The following GREM2 variants were observed in gnomAD, a reference collection of about 807,000 sequenced individuals.
GREM2 encodes the protein gremlin-2.
GREM2 carries 11 observed loss-of-function variants against 14.2 expected under a neutral mutation model. The ratio of observed to expected loss-of-function variants is 0.78; its 90% CI spans 0.49 to 1.28. The LOEUF (loss-of-function observed/expected upper bound fraction) is 1.28. Ranked by LOEUF, GREM2 falls within the 50% of genes most tolerant of loss-of-function variation. The pLI, the probability that GREM2 is intolerant of heterozygous loss-of-function variation, is 0.00. For missense variants in GREM2, 210 were observed against 218.5 expected (o/e 0.96, Z 0.24); for synonymous variants, 98 against 97.6 (o/e 1.00, Z -0.02).
rs145594880 is a variant in GREM2, at chr1:240,597,202, C to T, written c.-2+14682G>A. ...AAAGCCAGGAATGAGACCGCTGTCT[C>T]GGGTGTGCAACAGAGCTCAGGAGCC... On this transcript the variant is annotated intron_variant, in intron 1 of 1. Coordinates refer to ENST00000318160, the MANE Select transcript of GREM2 (RefSeq NM_022469.4). 5.2e-3 allele frequency among the ~76,000 whole-genome samples: 788 copies of T among 152,292 alleles called. 4 individuals carry two copies. Among genetic ancestry groups the T allele is most frequent in the African/African-American group, 0.018 (754 of 41,576 alleles).
intron 1 of GREM2, among the ~76,000 whole-genome samples, chr1:240,563,841 C>T (rs1679120246): frequency 6.6e-6 from 1 of 152,166 alleles, no homozygotes; most frequent in African/African-American, 2.4e-5. Context: ...TACCCAATGG[C>T]CTTTGAACTT....
intron 1 of GREM2, among the ~76,000 whole-genome samples, chr1:240,564,881 C>T (rs1679145763): frequency 6.6e-6 from 1 of 152,146 alleles, no homozygotes; most frequent in Non-Finnish European, 1.5e-5. Context: ...GCTACGTTTT[C>T]TTTGGGTTGA....
intron 1 of GREM2, among the ~76,000 whole-genome samples, chr1:240,585,316 G>A (rs7524901): frequency 0.02 from 3,084 of 152,208 alleles, 64 homozygotes; most frequent in African/African-American, 0.049. Flanking sequence ...ACCTGTGACT[G>A]TTATGGTCAT....
Position 240,492,591 on chromosome 1 carries a change from C to T in GREM2, c.*378G>A. 6.2e-6 allele frequency: 1 copy of T among 161,976 alleles called. No individual in the cohort carries two copies. Among genetic ancestry groups the T allele is most frequent in the Non-Finnish European group, 1.3e-5 (1 of 74,544 alleles). 10.0% of individuals were successfully genotyped at this position (161,976 alleles called of 1,614,324 possible). A position where few individuals can be genotyped will look rare whatever the true frequency, so the allele number is the denominator to read the frequency against. On this transcript the variant is annotated 3_prime_UTR_variant, in exon 2 of 2. Coordinates refer to ENST00000318160, the MANE Select transcript of GREM2 (RefSeq NM_022469.4). Reference sequence around the variant, plus strand: ...CGCGGGAAAGGGGCGAGCTGGAGTGCAGGGCGGGGCCAGGGAAATCCTTGC... The same window carrying T: ...CGCGGGAAAGGGGCGAGCTGGAGTGTAGGGCGGGGCCAGGGAAATCCTTGC...
At chr1:240,591,960 G>A (rs1679723970) in intron 1 of GREM2, among the ~76,000 whole-genome samples, 1 of 152,098 alleles carries the variant, frequency 6.6e-6, no homozygotes, top group Admixed American at 6.6e-5. Context: ...TCAGACCACG[G>A]TTCTACAATT....
At chr1:240,517,409 C>T (rs1677977718) in intron 1 of GREM2, among the ~76,000 whole-genome samples, 1 of 152,034 alleles carries the variant, frequency 6.6e-6, no homozygotes, top group African/African-American at 2.4e-5. Flanking sequence ...TTTTTGTTTT[C>T]CACTGGGTCT....
rs1261657155 is a variant in GREM2, at chr1:240,491,265, A to T, written c.*1704T>A. 6.6e-6 allele frequency: 1 copy of T among 152,542 alleles called. No individual in the cohort carries two copies. The highest frequency in any genetic ancestry group is 1.9e-4 in the East Asian group (1 of 5,194). The allele number at this position is 152,542 out of a possible 1,614,324, so 9.4% of individuals were successfully genotyped here. On this transcript the variant is annotated 3_prime_UTR_variant, in exon 2 of 2. Transcript: ENST00000318160. ...TAGTATCAGGAAGCTAAGTCCCCAC[A>T]GCGGCTTGCAGAGGGTCTCTCTCAC...
At chr1:240,511,251 T>C (rs1677819131) in intron 1 of GREM2, among the ~76,000 whole-genome samples, 1 of 152,162 alleles carries the variant, frequency 6.6e-6, no homozygotes, top group African/African-American at 2.4e-5. Context: ...CACATCTGCC[T>C]ATCAAAAATA....
intron 1 of GREM2, among the ~76,000 whole-genome samples, chr1:240,587,125 A>G (rs903006817): frequency 7.2e-5 from 11 of 152,284 alleles, no homozygotes; most frequent in African/African-American, 1.9e-4. Context: ...GATCAATTAG[A>G]GAAAAATGAG....
chr1:240,524,228 G>T (rs1266339343), intron 1 of GREM2, among the ~76,000 whole-genome samples: 1 of 152,162 alleles, frequency 6.6e-6, no homozygotes, highest in Non-Finnish European at 1.5e-5. Flanking sequence ...TTGCCAGGTT[G>T]GTATGAACTC....
intron 1 of GREM2, among the ~76,000 whole-genome samples, chr1:240,495,456 AT>A (rs1270368433): frequency 6.6e-6 from 1 of 152,196 alleles, no homozygotes; most frequent in East Asian, 1.9e-4. Flanking sequence ...AAATGTTTGA[AT>A]TTTTTACGTC....
chr1:240,498,472 G>A (rs1168814158), intron 1 of GREM2, among the ~76,000 whole-genome samples: 1 of 152,188 alleles, frequency 6.6e-6, no homozygotes, highest in Non-Finnish European at 1.5e-5. Context: ...GTGACTGTGA[G>A]GCTGTATCCT....
intron 1 of GREM2, among the ~76,000 whole-genome samples, chr1:240,514,767 G>C (rs1281831358): frequency 6.6e-6 from 1 of 152,130 alleles, no homozygotes; most frequent in African/African-American, 2.4e-5. Flanking sequence ...GGGCTTGGAG[G>C]TGCACAGCTG....
rs149438956 is a variant in GREM2, at chr1:240,599,613, C to T, written c.-2+12271G>A. On this transcript the variant is annotated intron_variant, in intron 1 of 1. Transcript: ENST00000318160. ...AATGGGGTATTTGGAATAGAGGAAA[C>T]GCAAGTTTGGGGAAGGGAAAAAACC... Among the ~76,000 whole-genome samples the T allele has an allele frequency of 3.6e-3, 546 of 152,170 alleles. 2 individuals carry two copies. The highest frequency in any genetic ancestry group is 0.013 in the African/African-American group (527 of 41,516).
At chr1:240,611,570 AAGAGGTATTT>A (rs1680135873) in intron 1 of GREM2, among the ~76,000 whole-genome samples, 1 of 152,180 alleles carries the variant, frequency 6.6e-6, no homozygotes, top group African/African-American at 2.4e-5. Flanking sequence ...GGCGGTCACC[AAGAGGTATTT>A]ATTGGTGGGA....
At chr1:240,585,610 A>G (rs78716489) in intron 1 of GREM2, among the ~76,000 whole-genome samples, 1 of 151,608 alleles carries the variant, frequency 6.6e-6, no homozygotes, top group South Asian at 2.1e-4. Context: ...GGCGCCTGTA[A>G]TCCCAGCTAC....
At chr1:240,504,740 C>A (rs1206702257) in intron 1 of GREM2, among the ~76,000 whole-genome samples, 1 of 152,290 alleles carries the variant, frequency 6.6e-6, no homozygotes, top group East Asian at 1.9e-4. Context: ...AAAGGAGAAT[C>A]TAATTACATT....
intron 1 of GREM2, among the ~76,000 whole-genome samples, chr1:240,566,946 A>G (rs1475223459): frequency 6.6e-6 from 1 of 152,228 alleles, no homozygotes; most frequent in Non-Finnish European, 1.5e-5. Context: ...AAATTGGCAG[A>G]GCACTACATT....
At chr1:240,593,851 T>C (rs895161876) in intron 1 of GREM2, among the ~76,000 whole-genome samples, 1 of 152,032 alleles carries the variant, frequency 6.6e-6, no homozygotes, top group Non-Finnish European at 1.5e-5. Flanking sequence ...TTCTTTGCTC[T>C]GCAATGGCCT....
Sources: gnomAD v4.1 joint callset for allele counts (sites outside exome capture counted in the v4.1 genomes callset) on GRCh38, gnomAD v4.1.1 for gene constraint, MANE v1.5 for transcripts, NCBI Gene and HGNC (gene_info 2026-07-23, HGNC 2026-07-21) for gene names.